Variants in ANAPC10 observed in about 807,000 individuals in gnomAD.
ANAPC10 encodes anaphase-promoting complex subunit 10.
ANAPC10 carries 12 observed loss-of-function variants against 22.0 expected under a neutral mutation model. The ratio of observed to expected loss-of-function variants is 0.55; its 90% CI spans 0.35 to 0.88. ANAPC10 has a LOEUF of 0.88. Among genes scored for constraint, ANAPC10 ranks in the 40% least tolerant of loss-of-function variants. The pLI, the probability that ANAPC10 is intolerant of heterozygous loss-of-function variation, is 0.01. For synonymous variants in ANAPC10, 65 were observed against 69.5 expected (o/e 0.94, Z 0.32); for missense variants, 188 against 220.9 (o/e 0.85, Z 0.94).
intron 4 of ANAPC10, among the ~76,000 whole-genome samples, chr4:145,032,409 G>C (rs557571697): frequency 1.3e-5 from 2 of 152,196 alleles, no homozygotes; most frequent in Non-Finnish European, 2.9e-5. Flanking sequence ...TTGGAAAATT[G>C]GTGACCAAGA....
chr4:145,036,564 G>T (rs750470289), intron 4 of ANAPC10, among the ~76,000 whole-genome samples: 1 of 151,980 alleles, frequency 6.6e-6, no homozygotes, highest in Non-Finnish European at 1.5e-5. Flanking sequence ...GTCCAAGCTG[G>T]CCTTGAACTC....
chr4:145,001,841 A>G (rs1207869483), intron 4 of ANAPC10, among the ~76,000 whole-genome samples: 1 of 152,176 alleles, frequency 6.6e-6, no homozygotes, highest in Non-Finnish European at 1.5e-5. Context: ...TCTGGCTGTG[A>G]CTTACTTAAG....
chr4:145,047,838 T>C (rs1352987823), intron 4 of ANAPC10, among the ~76,000 whole-genome samples: 2 of 152,170 alleles, frequency 1.3e-5, no homozygotes, highest in Non-Finnish European at 1.5e-5. Flanking sequence ...ATCTTAAATG[T>C]GAAGTGGCTA....
Position 145,096,103 on chromosome 4 carries a change from T to C in ANAPC10, c.-4A>G. The C allele has an allele frequency of 6.2e-6, 10 of 1,613,480 alleles. No homozygotes were observed. Among genetic ancestry groups the C allele is most frequent in the Non-Finnish European group, 8.5e-6 (10 of 1,179,870 alleles). On this transcript the variant is annotated 5_prime_UTR_variant, in exon 2 of 5. Transcript: ENST00000507656. ...GTGTCTTGTTTGGTGTAGTCATTTT[T>C]AAAATATTCTATGTAGAAAACAAGA...
chr4:145,014,355 G>C (rs1183299568), intron 4 of ANAPC10, among the ~76,000 whole-genome samples: 2 of 151,852 alleles, frequency 1.3e-5, no homozygotes, highest in Non-Finnish European at 2.9e-5. Context: ...ACTCAGCAGA[G>C]GCAGCCATAA....
intron 4 of ANAPC10, among the ~76,000 whole-genome samples, chr4:145,002,573 A>G (rs1396753975): frequency 6.6e-6 from 1 of 152,192 alleles, no homozygotes; most frequent in African/African-American, 2.4e-5. Flanking sequence ...AAAAAGACGC[A>G]TAACAAAAGA....
intron 4 of ANAPC10, among the ~76,000 whole-genome samples, chr4:145,037,019 TGTGTGTGTGTGTG>T (rs1738658460): frequency 1.4e-5 from 2 of 142,752 alleles, no homozygotes; most frequent in African/African-American, 5.2e-5. Context: ...TGTGTGTGTG[TGTGTGTGTGTGTG>T]TGTGTGTATG....
intron 3 of ANAPC10, among the ~76,000 whole-genome samples, chr4:145,072,611 A>G (rs1291428980): frequency 6.6e-6 from 1 of 152,210 alleles, no homozygotes; most frequent in Non-Finnish European, 1.5e-5. Context: ...TAATAGAGGT[A>G]GGAAAGTTAG....
At chr4:145,020,020 G>T (rs944459157) in intron 4 of ANAPC10, among the ~76,000 whole-genome samples, 5 of 152,056 alleles carry the variant, frequency 3.3e-5, no homozygotes, top group Non-Finnish European at 5.9e-5. Context: ...AGAAGAATTG[G>T]TACCGATCCT....
chr4:145,038,235 G>A (rs1023492674), intron 4 of ANAPC10, among the ~76,000 whole-genome samples: 2 of 152,260 alleles, frequency 1.3e-5, no homozygotes, highest in East Asian at 1.9e-4. Flanking sequence ...AACTAGGGCC[G>A]GGCATGGTGG....
At chr4:145,082,385 G>A (rs953565133) in intron 2 of ANAPC10, among the ~76,000 whole-genome samples, 1 of 152,240 alleles carries the variant, frequency 6.6e-6, no homozygotes, top group African/African-American at 2.4e-5. Flanking sequence ...CCAACTTCAA[G>A]TGATCCAGCC....
intron 4 of ANAPC10, chr4:145,053,561 T>C (rs1218304760): frequency 2.4e-6 from 1 of 411,688 alleles, no homozygotes; most frequent in Non-Finnish European, 4.3e-6. Flanking sequence ...CTACGGTTTC[T>C]GTTTTGTACC....
intron 4 of ANAPC10, among the ~76,000 whole-genome samples, chr4:145,041,450 T>C (rs1337007050): frequency 2.6e-5 from 4 of 152,384 alleles, no homozygotes; most frequent in Non-Finnish European, 1.5e-5. Flanking sequence ...TTTTGTTCTA[T>C]TCACAAGTAC....
intron 3 of ANAPC10, among the ~76,000 whole-genome samples, chr4:145,070,565 C>T (rs1031894081): frequency 2.6e-5 from 4 of 152,294 alleles, no homozygotes; most frequent in East Asian, 1.9e-4. Flanking sequence ...AATGGTACAG[C>T]TACTGTGAAA....
chr4:145,043,780 A>G (rs1003174428), intron 4 of ANAPC10, among the ~76,000 whole-genome samples: 6 of 152,162 alleles, frequency 3.9e-5, no homozygotes, highest in Non-Finnish European at 8.8e-5. Context: ...TATCTGCTGC[A>G]TAATTTCCCA....
chr4:145,014,323 C>G (rs1734784402), intron 4 of ANAPC10, among the ~76,000 whole-genome samples: 1 of 151,918 alleles, frequency 6.6e-6, no homozygotes, highest in Non-Finnish European at 1.5e-5. Flanking sequence ...GGCTTTCCCC[C>G]ACTTCCCTGA....
At chr4:145,037,507 A>G (rs1738766693) in intron 4 of ANAPC10, among the ~76,000 whole-genome samples, 1 of 152,216 alleles carries the variant, frequency 6.6e-6, no homozygotes, top group South Asian at 2.1e-4. Context: ...ATATCTAAGA[A>G]AACAGGCTAT....
chr4:145,000,596 G>A (rs1732372756), intron 4 of ANAPC10, among the ~76,000 whole-genome samples: 1 of 152,208 alleles, frequency 6.6e-6, no homozygotes, highest in African/African-American at 2.4e-5. Flanking sequence ...TTACACTGTT[G>A]GTGGGACTGT....
intron 4 of ANAPC10, 40 bp downstream of exon 4, chr4:145,064,532 G>C (rs778279410): frequency 6.5e-7 from 1 of 1,543,472 alleles, no homozygotes; most frequent in East Asian, 2.3e-5. Context: ...ATGAGTAAAA[G>C]TTAAAGGATG....
Sources: allele counts gnomAD v4.1 joint callset (sites outside exome capture counted in the v4.1 genomes callset), GRCh38; gene constraint gnomAD v4.1.1; transcripts MANE v1.5; gene names NCBI Gene and HGNC (gene_info 2026-07-23, HGNC 2026-07-21).